Variants in CHD6 observed in about 807,000 individuals in gnomAD.
CHD6 encodes chromodomain helicase DNA binding protein 6, also known as ATP-dependent chromatin remodeler CHD6.
In CHD6, 50 loss-of-function variants were observed where a neutral mutation model predicts 276.9. The ratio of observed to expected loss-of-function variants is 0.18; its 90% CI spans 0.14 to 0.23. CHD6 has a LOEUF of 0.23. Among genes scored for constraint, CHD6 ranks in the 10% least tolerant of loss-of-function variants. The probability of loss-of-function intolerance (pLI) is 1.00; values close to 1 mark genes in which losing one functional copy is unlikely to be tolerated. For synonymous variants in CHD6, 1,173 were observed against 1,229.3 expected (o/e 0.95, Z 0.96); for missense variants, 2,564 against 3,365.8 (o/e 0.76, Z 5.89).
At chr20:41,411,435 A>C (rs1338033782) in intron 36 of CHD6, among the ~76,000 whole-genome samples, 1 of 151,992 alleles carries the variant, frequency 6.6e-6, no homozygotes, top group Admixed American at 6.6e-5. Flanking sequence ...GGGAAAGGCA[A>C]AAGTCCCCAT....
In CHD6 at chr20:41,562,112, CA is replaced by C. The variant is rs562836363; in HGVS notation, c.-23-10753del. On this transcript the variant is annotated intron_variant, in intron 1 of 36. Coordinates refer to ENST00000373233, the MANE Select transcript of CHD6 (RefSeq NM_032221.5). ...ATTTTCTGTCTCATTTACAACAAAA[CA>C]AAAAAAAAACTCTTCATGTTCTACT... 2.5e-3 allele frequency among the ~76,000 whole-genome samples: 369 copies of C among 147,936 alleles called. 1 individual carries two copies. The highest frequency in any genetic ancestry group is 7.4e-3 in the African/African-American group (301 of 40,442).
In CHD6 at chr20:41,504,407, T is replaced by C. The variant is rs1159140158; in HGVS notation, c.853-5050A>G. Reference sequence around the variant, plus strand: ...GTCCATCTTTTCCTCTATTTTCTTTTTTTTTTTTTTTTTTTTTTTAGACAG... The same window carrying C: ...GTCCATCTTTTCCTCTATTTTCTTTCTTTTTTTTTTTTTTTTTTTAGACAG... On this transcript the variant is annotated intron_variant, in intron 5 of 36. Transcript: ENST00000373233. Among the ~76,000 whole-genome samples the C allele has an allele frequency of 3.4e-4, 29 of 84,306 alleles. No individual in the cohort carries two copies. The East Asian group carries it at 5.9e-3, about 17-fold the overall frequency. The allele number at this position is 84,306 out of a possible 152,430, so 55.3% of individuals were successfully genotyped here.
At position 41,551,286 on chromosome 20, in the gene CHD6, A is replaced by C. The variant is rs1290026931; in HGVS notation, c.33+19T>G. 1 of 1,462,760 alleles carries C rather than the reference A, an allele frequency of 6.8e-7. No homozygotes were observed. Among genetic ancestry groups the C allele is most frequent in the South Asian group, 1.2e-5 (1 of 86,726 alleles). 90.6% of individuals were successfully genotyped at this position (1,462,760 alleles called of 1,614,324 possible). On this transcript the variant is annotated intron_variant, in intron 2 of 36. Coordinates refer to ENST00000373233, the MANE Select transcript of CHD6 (RefSeq NM_032221.5). ...AAGATACCCGGATGCATTCACTTAAAAGAAAAGTGATCACTTACCTGCTTC... is the reference window on the plus strand; with the variant it reads ...AAGATACCCGGATGCATTCACTTAACAGAAAAGTGATCACTTACCTGCTTC...
At chr20:41,481,825 G>A (rs1475224660) in intron 16 of CHD6, among the ~76,000 whole-genome samples, 1 of 151,386 alleles carries the variant, frequency 6.6e-6, no homozygotes, top group Non-Finnish European at 1.5e-5. Context: ...GAAAAATAAA[G>A]AAAAAAATTT....
intron 1 of CHD6, chr20:41,564,292 A>C (rs2045332619): frequency 3.5e-6 from 2 of 575,374 alleles, no homozygotes; most frequent in African/African-American, 1.9e-5. Flanking sequence ...GACACAAAAA[A>C]CTCACAACTC....
chr20:41,419,302 G>A (rs1002480005), intron 31 of CHD6, among the ~76,000 whole-genome samples: 1 of 152,004 alleles, frequency 6.6e-6, no homozygotes, highest in Non-Finnish European at 1.5e-5. Flanking sequence ...ACCTGAGGCT[G>A]GGTGCAGTGG....
intron 1 of CHD6, among the ~76,000 whole-genome samples, chr20:41,555,343 C>T (rs1213559184): frequency 5.0e-5 from 7 of 141,178 alleles, no homozygotes; most frequent in Non-Finnish European, 9.3e-5. Context: ...CCGGACGGGG[C>T]GGCCGGCCGG....
chr20:41,551,142 A>G (rs4812524), intron 2 of CHD6, among the ~76,000 whole-genome samples, 163 bp downstream of exon 2: 19,550 of 152,174 alleles, frequency 0.13, 1,463 homozygotes, highest in East Asian at 0.18. Flanking sequence ...AGAAAAATCC[A>G]TATTATTAAG....
intron 2 of CHD6, among the ~76,000 whole-genome samples, chr20:41,546,595 T>G (rs1315375350): frequency 1.3e-5 from 2 of 152,212 alleles, no homozygotes; most frequent in Non-Finnish European, 2.9e-5. Context: ...ATATCATTGT[T>G]TCGTTGTTGC....
At chr20:41,510,462 C>G (rs771327896) in intron 5 of CHD6, among the ~76,000 whole-genome samples, 20 of 152,238 alleles carry the variant, frequency 1.3e-4, no homozygotes, top group Non-Finnish European at 2.5e-4. Context: ...GCCAGCCCCA[C>G]ATGGTCGCTT....
intron 25 of CHD6, among the ~76,000 whole-genome samples, chr20:41,440,477 C>A (rs2047867136): frequency 6.6e-6 from 1 of 152,130 alleles, no homozygotes; most frequent in African/African-American, 2.4e-5. Context: ...CCTTTATGGG[C>A]CTTGTTTTCT....
At chr20:41,503,201 G>T (rs534732903) in intron 5 of CHD6, among the ~76,000 whole-genome samples, 1 of 151,890 alleles carries the variant, frequency 6.6e-6, no homozygotes, top group Non-Finnish European at 1.5e-5. Flanking sequence ...ATGTTATGTC[G>T]CTAGTTTATA....
At position 41,431,776 on chromosome 20, in the gene CHD6, C is replaced by CTTTTTTTTTTT. The variant is rs61227802; in HGVS notation, c.4068+5487_4068+5497dup. Among the ~76,000 whole-genome samples the CTTTTTTTTTTT allele has an allele frequency of 2.1e-4, 22 of 104,756 alleles. 1 individual carries two copies. The highest frequency in any genetic ancestry group is 6.2e-4 in the South Asian group (2 of 3,224). The allele number at this position is 104,756 out of a possible 152,430, so 68.7% of individuals were successfully genotyped here. A position where few individuals can be genotyped will look rare whatever the true frequency, so the allele number is the denominator to read the frequency against. ...AGGAATGACATGATGAAAAAACATGCTTTTTTTTTTTTTTTGCTTCATATA... is the reference window on the plus strand; with the variant it reads ...AGGAATGACATGATGAAAAAACATGCTTTTTTTTTTTTTTTTTTTTTTTTTTGCTTCATATA... On this transcript the variant is annotated intron_variant, in intron 27 of 36. Coordinates refer to ENST00000373233, the MANE Select transcript of CHD6 (RefSeq NM_032221.5).
chr20:41,425,139 T>A, intron 29 of CHD6, 39 bp downstream of exon 29: 1 of 1,548,730 alleles, frequency 6.5e-7, no homozygotes. Flanking sequence ...CTTTACCCAG[T>A]GGGTGGCTGA....
intron 17 of CHD6, among the ~76,000 whole-genome samples, chr20:41,472,241 C>CA (rs11360480): frequency 0.023 from 2,835 of 125,792 alleles, 36 homozygotes; most frequent in Non-Finnish European, 0.038. Flanking sequence ...GACTCTGTCT[C>CA]AAAAAAAAAA....
chr20:41,409,175 C>T (rs2046769652), intron 36 of CHD6, among the ~76,000 whole-genome samples: 1 of 152,208 alleles, frequency 6.6e-6, no homozygotes, highest in Admixed American at 6.5e-5. Flanking sequence ...CAAAGGAAGT[C>T]AGCTTTAACC....
chr20:41,606,231 G>T (rs1191899225), intron 1 of CHD6, among the ~76,000 whole-genome samples: 1 of 151,838 alleles, frequency 6.6e-6, no homozygotes, highest in Admixed American at 6.6e-5. Context: ...CAAAAAACTG[G>T]CCAGGTGTGG....
intron 27 of CHD6, among the ~76,000 whole-genome samples, chr20:41,436,822 T>C (rs1047888605): frequency 2.0e-5 from 3 of 151,994 alleles, no homozygotes; most frequent in Non-Finnish European, 4.4e-5. Context: ...TCATAAAAAA[T>C]AGAGAACAGA....
intron 16 of CHD6, among the ~76,000 whole-genome samples, chr20:41,474,072 C>A (rs1419824882): frequency 6.6e-6 from 1 of 152,160 alleles, no homozygotes; most frequent in Non-Finnish European, 1.5e-5. Context: ...CACAGCAAAA[C>A]CTCCAAGTTT....
Sources: gnomAD v4.1 joint callset for allele counts (sites outside exome capture counted in the v4.1 genomes callset) on GRCh38, gnomAD v4.1.1 for gene constraint, MANE v1.5 for transcripts, NCBI Gene and HGNC (gene_info 2026-07-23, HGNC 2026-07-21) for gene names.